The following PARP4 variants were observed in gnomAD, a reference collection of about 807,000 sequenced individuals.
PARP4 encodes poly(ADP-ribose) polymerase family member 4.
PARP4 carries 120 observed loss-of-function variants against 187.7 expected under a neutral mutation model. The observed-to-expected ratio is 0.64, with a 90% CI of 0.55 to 0.74. The LOEUF is 0.74. Among genes scored for constraint, PARP4 ranks in the 30% least tolerant of loss-of-function variants. The pLI is 0.00. For missense variants in PARP4, 1,836 were observed against 2,070.5 expected (o/e 0.89, Z 2.20); for synonymous variants, 654 against 740.9 (o/e 0.88, Z 1.90).
intron 1 of PARP4, among the ~76,000 whole-genome samples, chr13:24,512,360 T>C (rs995478155): frequency 6.6e-6 from 1 of 152,234 alleles, no homozygotes; most frequent in Admixed American, 6.5e-5. Context: ...AGAAGGCCGT[T>C]TGGCATACTG....
intron 10 of PARP4, among the ~76,000 whole-genome samples, chr13:24,487,249 G>A (rs118034323): frequency 0.11 from 15,993 of 140,642 alleles, 933 homozygotes; most frequent in Non-Finnish European, 0.12. Context: ...ACAGAGCAAG[G>A]CTCCGTCAAA....
intron 25 of PARP4, among the ~76,000 whole-genome samples, chr13:24,449,366 C>A (rs111461293): frequency 1.7e-5 from 2 of 118,138 alleles, no homozygotes; most frequent in African/African-American, 3.3e-5. Flanking sequence ...CCAGCCTGGG[C>A]GACAGAGCAA....
chr13:24,424,100 T>C (rs1395155105), intron 33 of PARP4, among the ~76,000 whole-genome samples: 2 of 152,210 alleles, frequency 1.3e-5, no homozygotes, highest in South Asian at 2.1e-4. Flanking sequence ...GCTTGGATTA[T>C]AGGCATGAGC....
At chr13:24,509,847 G>A (rs1869902678) in intron 1 of PARP4, among the ~76,000 whole-genome samples, 1 of 151,790 alleles carries the variant, frequency 6.6e-6, no homozygotes, top group African/African-American at 2.4e-5. Context: ...CTACAGGCAC[G>A]CACCACCACG....
At chr13:24,465,757 T>C (rs1872429575) in intron 17 of PARP4, among the ~76,000 whole-genome samples, 1 of 136,492 alleles carries the variant, frequency 7.3e-6, no homozygotes, top group Admixed American at 7.6e-5. Context: ...GTCTTGCACA[T>C]GTATCCCAGA....
At chr13:24,447,484 C>T (rs900154902) in intron 25 of PARP4, among the ~76,000 whole-genome samples, 38 of 152,206 alleles carry the variant, frequency 2.5e-4, no homozygotes, top group Non-Finnish European at 5.4e-4. Flanking sequence ...CCTCAGCCTC[C>T]CAAGTAGCTG....
At chr13:24,487,298 T>C (rs181470275) in intron 10 of PARP4, among the ~76,000 whole-genome samples, 9 of 148,570 alleles carry the variant, frequency 6.1e-5, no homozygotes, top group African/African-American at 1.7e-4. Flanking sequence ...TTAAGTGCTG[T>C]TTAGGAAACC....
Position 24,447,114 on chromosome 13 carries a change from G to C in PARP4, c.3187C>G (p.Pro1063Ala). ...GCCTGCAGGGCCTCGGGCACATCTG[G>C]ATTGAGTTGCTGCCATTTGACGGAG... ...SVSVKWQQLN[P>A]DVPEALQAPA... The change falls in exon 26 of 34, where the codon CCA (proline) becomes GCA (alanine). Residue 1063 changes from proline to alanine, a missense_variant. By Grantham distance (27) the Pro-to-Ala change is conservative. This residue lies in a region of PARP4 where 56 missense variants were observed against 103.7 expected (regional missense o/e 0.54). Coordinates refer to ENST00000381989, the MANE Select transcript of PARP4 (RefSeq NM_006437.4). 1.2e-6 allele frequency: 2 copies of C among 1,613,434 alleles called. No individual in the cohort carries two copies. Among genetic ancestry groups the C allele is most frequent in the East Asian group, 2.2e-5 (1 of 44,804 alleles).
intron 23 of PARP4, 131 bp downstream of exon 23, chr13:24,453,456 A>G: frequency 2.0e-6 from 1 of 511,096 alleles, no homozygotes; most frequent in East Asian, 3.2e-5. Flanking sequence ...TGAAATAAAG[A>G]GCCCACCAAT....
At chr13:24,510,449 G>C (rs1395836563) in intron 1 of PARP4, among the ~76,000 whole-genome samples, 1 of 150,688 alleles carries the variant, frequency 6.6e-6, no homozygotes, top group Non-Finnish European at 1.5e-5. Flanking sequence ...AGCTACTTGG[G>C]AGGCTGAGGC....
In PARP4 at chr13:24,498,088, A is replaced by C. The variant is rs188137757; in HGVS notation, c.591+28T>G. The C allele has an allele frequency of 4.1e-6, 6 of 1,466,300 alleles. No homozygotes were observed. The African/African-American group carries it at 8.3e-5, about 20-fold the overall frequency. The allele number at this position is 1,466,300 out of a possible 1,614,324, so 90.8% of individuals were successfully genotyped here. On this transcript the variant is annotated intron_variant, in intron 6 of 33. Transcript: ENST00000381989. ...GAGTTATGAACAGAGGTCAGTAAAC[A>C]CATAGGAATCAATATAAACAGCATT...
intron 11 of PARP4, 107 bp downstream of exon 11, chr13:24,486,061 T>C: frequency 2.1e-6 from 2 of 938,632 alleles, no homozygotes; most frequent in South Asian, 3.5e-5. Flanking sequence ...TAGCTGATTT[T>C]AACTGAAAAG....
At position 24,492,465 on chromosome 13, in the gene PARP4, C is replaced by T. The variant is rs767566290; in HGVS notation, c.1009G>A (p.Glu337Lys). The T allele has an allele frequency of 6.2e-7, 1 of 1,614,092 alleles. No individual in the cohort carries two copies. The highest frequency in any genetic ancestry group is 8.5e-7 in the Non-Finnish European group (1 of 1,179,958). Residue 337 changes from glutamate to lysine, a missense_variant, in exon 9 of 34, where the codon GAA (glutamate) becomes AAA (lysine). Physicochemically the swap from Glu to Lys is moderately conservative, Grantham distance 56. Around this residue, in one of 8 missense-constraint regions of PARP4, gnomAD observed 1,147 missense variants for 1,214.2 expected, o/e 0.94. Coordinates refer to ENST00000381989, the MANE Select transcript of PARP4 (RefSeq NM_006437.4). ...TTAGCCAATAGTCCCAGGTTCACTT[C>T]TTTGGGCATTGTGCCTTTGTGAGGT... ...LIPHKGTMPK[E>K]VNLGLLAKKA...
intron 33 of PARP4, among the ~76,000 whole-genome samples, chr13:24,425,605 C>CTATATATATATATATATA (rs113002264): frequency 5.4e-5 from 8 of 146,990 alleles, no homozygotes; most frequent in African/African-American, 2.1e-4. Context: ...ATATCTATAT[C>CTATATATATATATATATA]TATATATCTC....
At position 24,479,085 on chromosome 13, in the gene PARP4, T is replaced by C. The variant is rs549662082; in HGVS notation, c.1449-809A>G. Among the ~76,000 whole-genome samples, 3 of 152,332 alleles carry C rather than the reference T, an allele frequency of 2.0e-5. No individual in the cohort carries two copies. In the East Asian group the frequency reaches 5.8e-4, roughly 29 times the overall value. Reference sequence around the variant, plus strand: ...TCAAATTATATCCAAATGAGAAATGTTGTTTTATCTTTCTTTGGGAATCAG... The same window carrying C: ...TCAAATTATATCCAAATGAGAAATGCTGTTTTATCTTTCTTTGGGAATCAG... On this transcript the variant is annotated intron_variant, in intron 12 of 33. Coordinates refer to ENST00000381989, the MANE Select transcript of PARP4 (RefSeq NM_006437.4).
chr13:24,492,089 G>A (rs994921851), intron 9 of PARP4, among the ~76,000 whole-genome samples: 17 of 152,204 alleles, frequency 1.1e-4, no homozygotes, highest in Middle Eastern at 3.2e-3. Context: ...GTCTGAGAAC[G>A]TAAATGTCCT....
At position 24,456,326 on chromosome 13, in the gene PARP4, T is replaced by C. The variant is rs1698827052; in HGVS notation, c.2562+15A>G. The C allele has an allele frequency of 6.3e-7, 1 of 1,588,600 alleles. No homozygotes were observed. On this transcript the variant is annotated intron_variant, in intron 21 of 33. Coordinates refer to ENST00000381989, the MANE Select transcript of PARP4 (RefSeq NM_006437.4). The stretch of plus-strand genomic sequence containing the variant: ...TTCAATAGTGTCTCCTATGTCTAAG[T>C]AAAAAGGAGTATACCTCGCTTTCTT...
At chr13:24,510,371 G>A (rs572053024) in intron 1 of PARP4, among the ~76,000 whole-genome samples, 252 of 152,014 alleles carry the variant, frequency 1.7e-3, no homozygotes, top group Non-Finnish European at 2.4e-3. Flanking sequence ...CGGCTAAAAC[G>A]GTGAAACCCC....
chr13:24,422,343 A>G (rs1206208458), intron 33 of PARP4, among the ~76,000 whole-genome samples: 3 of 152,230 alleles, frequency 2.0e-5, no homozygotes, highest in Non-Finnish European at 4.4e-5. Context: ...TGAACATACT[A>G]AATAAGAAGC....
Sources: allele counts gnomAD v4.1 joint callset (sites outside exome capture counted in the v4.1 genomes callset), GRCh38; gene constraint gnomAD v4.1.1; regional missense constraint gnomAD v4.1.1; transcripts MANE v1.5; gene names NCBI Gene and HGNC (gene_info 2026-07-23, HGNC 2026-07-21).